DST: variants seen among roughly 807,000 people sequenced by gnomAD.
DST encodes the protein bullous pemphigoid antigen.
Under a neutral mutation model 875.2 loss-of-function variants are expected in DST, and 253 were observed. The observed-to-expected ratio is 0.29, with a 90% CI of 0.26 to 0.32. The LOEUF is 0.32. DST is among the 10% of genes least tolerant of loss of function. DST has a pLI of 1.00. For missense variants in DST, 8,287 were observed against 9,111.6 expected (o/e 0.91, Z 3.68); for synonymous variants, 3,124 against 3,197.1 (o/e 0.98, Z 0.77).
chr6:56,804,211 T>C (rs963958556), intron 4 of DST, among the ~76,000 whole-genome samples: 1 of 152,192 alleles, frequency 6.6e-6, no homozygotes, highest in Admixed American at 6.5e-5. Context: ...AAGGATTGAA[T>C]GCATGGTAAT....
intron 61 of DST, among the ~76,000 whole-genome samples, chr6:56,543,828 G>A (rs912658682): frequency 1.2e-4 from 18 of 152,036 alleles, no homozygotes; most frequent in African/African-American, 3.9e-4. Context: ...ATGAGAAAAC[G>A]TTATCTCAAT....
At chr6:56,795,752 G>C (rs566212039) in intron 4 of DST, among the ~76,000 whole-genome samples, 1 of 152,118 alleles carries the variant, frequency 6.6e-6, no homozygotes, top group Non-Finnish European at 1.5e-5. Context: ...GGGGGAGGGA[G>C]AGAGAAGGGA....
Position 56,634,164 on chromosome 6 carries a change from T to C in DST, c.3589A>G (p.Ile1197Val). Reference protein sequence around the residue: ...VVSWHYLINEIDRIRASNVAS... With the variant: ...VVSWHYLINEVDRIRASNVAS... ...ACATTGCTAGCTCGAATTCTATCAA[T>C]TTCATTGATGAGATAATGCCAGGAT... The change falls in exon 27 of 104, where the codon ATT becomes GTT. Residue 1197 changes from isoleucine to valine, a missense_variant. Physicochemically the swap from Ile to Val is conservative, Grantham distance 29. This residue lies in a region of DST where 3,138 missense variants were observed against 3,116.6 expected (regional missense o/e 1.01). Transcript: ENST00000680361. 6.2e-7 allele frequency: 1 copy of C among 1,613,518 alleles called. No homozygotes were observed.
intron 54 of DST, among the ~76,000 whole-genome samples, chr6:56,569,035 A>T (rs1400064801): frequency 6.6e-6 from 1 of 152,132 alleles, no homozygotes; most frequent in Non-Finnish European, 1.5e-5. Flanking sequence ...TTAAAAACAC[A>T]CACACGGTCG....
chr6:56,902,395 G>A (rs1794520955), intron 2 of DST, among the ~76,000 whole-genome samples: 1 of 152,226 alleles, frequency 6.6e-6, no homozygotes, highest in South Asian at 2.1e-4. Flanking sequence ...ATGATTCTGT[G>A]GGATTCTGAA....
chr6:56,482,793 C>G lies in DST; in HGVS notation c.21292G>C (p.Asp7098His), dbSNP rs368388820. The G allele has an allele frequency of 6.2e-7, 1 of 1,613,684 alleles. No homozygotes were observed. The highest frequency in any genetic ancestry group is 1.3e-5 in the African/African-American group (1 of 74,892). Residue 7098 changes from aspartate to histidine, a missense_variant, in exon 89 of 104, where the codon GAT becomes CAT. Physicochemically the swap from Asp to His is moderately conservative, Grantham distance 81. Around this residue, in one of 10 missense-constraint regions of DST, gnomAD observed 1,292 missense variants for 1,552.7 expected, o/e 0.83. Transcript: ENST00000680361. ...TGGACCTTGACCCAGGAGGAGTCAT[C>G]CCGACTGCCTTCTATGAGTTCTCGG... ...SARELIEGSR[D>H]DSSWVKVQMQ...
intron 3 of DST, among the ~76,000 whole-genome samples, chr6:56,870,872 T>C (rs1363921626): frequency 6.6e-6 from 1 of 151,868 alleles, no homozygotes; most frequent in Admixed American, 6.6e-5. Flanking sequence ...AATAAACATA[T>C]TTTATATATT....
intron 3 of DST, among the ~76,000 whole-genome samples, chr6:56,856,907 TTAAATGTGATAATAGGC>T (rs1464308477): frequency 6.6e-6 from 1 of 152,170 alleles, no homozygotes; most frequent in Non-Finnish European, 1.5e-5. Context: ...AGGAAAAGTA[TTAAATGTGATAATAGGC>T]TAACAATAAG....
chr6:56,841,850 C>A (rs997075530), intron 4 of DST, among the ~76,000 whole-genome samples: 1 of 152,120 alleles, frequency 6.6e-6, no homozygotes, highest in Non-Finnish European at 1.5e-5. Context: ...CATACACACA[C>A]ACACACACAC....
intron 77 of DST, among the ~76,000 whole-genome samples, chr6:56,505,889 A>G (rs2096295416): frequency 6.6e-6 from 1 of 152,196 alleles, no homozygotes; most frequent in Non-Finnish European, 1.5e-5. Context: ...CTTAAGTGAA[A>G]AACAACTATT....
At chr6:56,919,400 G>T (rs1392191531) in intron 2 of DST, among the ~76,000 whole-genome samples, 1 of 152,096 alleles carries the variant, frequency 6.6e-6, no homozygotes, top group Non-Finnish European at 1.5e-5. Flanking sequence ...TAGTGTGAGA[G>T]ACACAACTAA....
chr6:56,723,316 G>A (rs2099429452), intron 5 of DST, among the ~76,000 whole-genome samples: 1 of 152,210 alleles, frequency 6.6e-6, no homozygotes, highest in African/African-American at 2.4e-5. Context: ...TGTAATCCCA[G>A]CACTTTGGGA....
chr6:56,670,957 A>T, intron 9 of DST, 150 bp from the exon 10 acceptor site: 1 of 510,876 alleles, frequency 2.0e-6, no homozygotes, highest in Non-Finnish European at 3.4e-6. Flanking sequence ...TGAATGAGAT[A>T]ACATGTGTAC....
intron 49 of DST, among the ~76,000 whole-genome samples, chr6:56,579,782 G>A (rs2097933027): frequency 6.6e-6 from 1 of 152,228 alleles, no homozygotes; most frequent in Non-Finnish European, 1.5e-5. Context: ...TCAAACATCA[G>A]GCTAAGGAGT....
chr6:56,493,900 C>T lies in DST; in HGVS notation c.20394+110G>A, dbSNP rs561834623. The T allele has an allele frequency of 3.1e-5, 26 of 826,168 alleles. No individual in the cohort carries two copies. The East Asian group carries it at 4.3e-4, about 14-fold the overall frequency. The allele number at this position is 826,168 out of a possible 1,614,324, so 51.2% of individuals were successfully genotyped here. On this transcript the variant is annotated intron_variant, in intron 83 of 103. Coordinates refer to ENST00000680361, the MANE Select transcript of DST (RefSeq NM_001374736.1). ...CAAATATATACAAAAAATGTTTAAA[C>T]ATAAATCATTGAAAGTTCTACTCCT... is the stretch of plus-strand genomic sequence containing the variant.
At chr6:56,800,384 C>T (rs114521441) in intron 4 of DST, among the ~76,000 whole-genome samples, 5,424 of 152,272 alleles carry the variant, frequency 0.036, 133 homozygotes, top group Middle Eastern at 0.058. Flanking sequence ...CTTAACTGTA[C>T]ATAGTAATAA....
chr6:56,613,728 A>G (rs1272554688), intron 37 of DST, among the ~76,000 whole-genome samples: 2 of 152,214 alleles, frequency 1.3e-5, no homozygotes. Context: ...GTGCAGTCCA[A>G]GGACATCTCC....
intron 92 of DST, among the ~76,000 whole-genome samples, chr6:56,475,204 C>T (rs1009746552): frequency 6.6e-6 from 1 of 151,830 alleles, no homozygotes; most frequent in Non-Finnish European, 1.5e-5. Flanking sequence ...GAATATGCAG[C>T]AAAGGCTGTG....
At position 56,508,565 on chromosome 6, in the gene DST, A is replaced by G; in HGVS notation, c.19203T>C (p.Asp6401=). The G allele has an allele frequency of 6.2e-7, 1 of 1,613,846 alleles. No homozygotes were observed. The highest frequency in any genetic ancestry group is 8.5e-7 in the Non-Finnish European group (1 of 1,179,794). ...FIRDLEDPGI[D]PSVVKQQQEA... is the part of the protein sequence containing the mutation. The stretch of plus-strand genomic sequence containing the variant: ...CTTGCTGTTGTTTTACTACTGAAGG[A>G]TCAATTCCAGGATCTTCCAGGTCCC... The change falls in exon 75 of 104, where the codon GAT becomes GAC. Residue 6401 remains aspartate (D), a synonymous_variant. Transcript: ENST00000680361.
Sources: gnomAD v4.1 joint callset for allele counts (sites outside exome capture counted in the v4.1 genomes callset) on GRCh38, gnomAD v4.1.1 for gene constraint, gnomAD v4.1.1 regional missense constraint, MANE v1.5 for transcripts, NCBI Gene and HGNC (gene_info 2026-07-23, HGNC 2026-07-21) for gene names.